The following PLPP3 variants were observed in gnomAD, a reference collection of about 807,000 sequenced individuals.
The protein encoded by PLPP3 is phospholipid phosphatase 3.
In PLPP3, 6 loss-of-function variants were observed where a neutral mutation model predicts 29.6. The observed-to-expected ratio is 0.20, with a 90% CI of 0.11 to 0.40. The LOEUF (loss-of-function observed/expected upper bound fraction) is 0.40. Among genes scored for constraint, PLPP3 ranks in the 10% least tolerant of loss-of-function variants. The pLI, the probability that PLPP3 is intolerant of heterozygous loss-of-function variation, is 1.00. For synonymous variants in PLPP3, 152 were observed against 159.7 expected (o/e 0.95, Z 0.36); for missense variants, 308 against 407.7 (o/e 0.76, Z 2.11).
chr1:56,579,359 T>C lies in PLPP3; in HGVS notation c.-343A>G, dbSNP rs1356867399. The C allele has an allele frequency of 7.1e-6, 2 of 280,786 alleles. No homozygotes were observed. The highest frequency in any genetic ancestry group is 4.6e-5 in the African/African-American group (2 of 43,206). The allele number at this position is 280,786 out of a possible 1,614,324, so 17.4% of individuals were successfully genotyped here. On this transcript the variant is annotated 5_prime_UTR_variant, in exon 1 of 6. Transcript: ENST00000371250. ...GCGTCTGAGTGCGCGAGCGAGCGAG[T>C]GGGCAGCGCGGGCGCTCGGCCACCT...
At chr1:56,548,521 G>C (rs958293289) in intron 1 of PLPP3, among the ~76,000 whole-genome samples, 1 of 152,178 alleles carries the variant, frequency 6.6e-6, no homozygotes, top group East Asian at 1.9e-4. Flanking sequence ...GAGATCTAAG[G>C]CTTCTCCATG....
chr1:56,557,069 AGAAAGAAAAAATGAGAGAGAG>A (rs1646088308), intron 1 of PLPP3, among the ~76,000 whole-genome samples: 1 of 132,066 alleles, frequency 7.6e-6, no homozygotes, highest in Non-Finnish European at 1.6e-5. Context: ...AAAGAAAGAA[AGAAAGAAAAAATGAGAGAGAG>A]AGAAAGAGGC....
Position 56,578,934 on chromosome 1 carries a change from C to G in PLPP3, c.83G>C (p.Arg28Thr), listed in dbSNP as rs1275293647. Reference sequence around the variant, plus strand: ...GAGCAGCACCCGCTTGCTGCCGCTCCTCCTCGGGTTGTTGTTGAGCGCCGG... The same window carrying G: ...GAGCAGCACCCGCTTGCTGCCGCTCGTCCTCGGGTTGTTGTTGAGCGCCGG... The part of the protein sequence containing the change: ...GSPALNNNPR[R>T]SGSKRVLLIC... Residue 28 changes from arginine to threonine, a missense_variant, in exon 1 of 6, where the codon AGG (arginine) becomes ACG (threonine). Around this residue, in one of 3 missense-constraint regions of PLPP3, gnomAD observed 67 missense variants for 61.3 expected, o/e 1.09. Transcript: ENST00000371250. The G allele has an allele frequency of 6.2e-7, 1 of 1,606,104 alleles. No homozygotes were observed. Among genetic ancestry groups the G allele is most frequent in the Non-Finnish European group, 8.5e-7 (1 of 1,177,124 alleles).
intron 5 of PLPP3, 102 bp from the exon 6 acceptor site, chr1:56,496,778 C>A (rs957086462): frequency 2.4e-6 from 3 of 1,272,554 alleles, no homozygotes; most frequent in South Asian, 1.4e-5. Flanking sequence ...GGAAAAGGGG[C>A]CCCAAATCAT....
chr1:56,541,966 C>CAAAAAAA (rs71813861), intron 1 of PLPP3, among the ~76,000 whole-genome samples: 1 of 126,620 alleles, frequency 7.9e-6, no homozygotes, highest in African/African-American at 2.9e-5. Flanking sequence ...AAAGCATGAC[C>CAAAAAAA]AAAAAAAAAA....
At position 56,496,203 on chromosome 1, in the gene PLPP3, C is replaced by CT. The variant is rs1044036935; in HGVS notation, c.*347dup. The CT allele has an allele frequency of 1.0e-5, 2 of 194,452 alleles. No homozygotes were observed. Among genetic ancestry groups the CT allele is most frequent in the African/African-American group, 4.7e-5 (2 of 42,332 alleles). The allele number at this position is 194,452 out of a possible 1,614,324, so 12.0% of individuals were successfully genotyped here. A position where few individuals can be genotyped will look rare whatever the true frequency, so the allele number is the denominator to read the frequency against. Reference sequence around the variant, plus strand: ...TCATGTGCTGCAATGTGAATTTTTGCTTTTCTCACAGGCCTGGGATTCCTC... The same window carrying CT: ...TCATGTGCTGCAATGTGAATTTTTGCTTTTTCTCACAGGCCTGGGATTCCTC... On this transcript the variant is annotated 3_prime_UTR_variant, in exon 6 of 6. Transcript: ENST00000371250.
At chr1:56,499,885 G>A (rs2100218122) in intron 5 of PLPP3, among the ~76,000 whole-genome samples, 1 of 152,180 alleles carries the variant, frequency 6.6e-6, no homozygotes. Context: ...AGAGGCCCAG[G>A]CTGGGAAGGG....
chr1:56,518,547 G>A (rs900501761), intron 4 of PLPP3, among the ~76,000 whole-genome samples: 1 of 152,024 alleles, frequency 6.6e-6, no homozygotes, highest in African/African-American at 2.4e-5. Context: ...ATGGAAAGGC[G>A]GATGGCCCGA....
At chr1:56,501,025 A>G (rs1025723635) in intron 5 of PLPP3, among the ~76,000 whole-genome samples, 1 of 151,502 alleles carries the variant, frequency 6.6e-6, no homozygotes, top group East Asian at 1.9e-4. Flanking sequence ...AAAAAAAAAA[A>G]AAAAAAAAAT....
intron 5 of PLPP3, among the ~76,000 whole-genome samples, chr1:56,511,319 G>C (rs1008619249): frequency 1.3e-5 from 2 of 152,142 alleles, no homozygotes; most frequent in Non-Finnish European, 2.9e-5. Context: ...CCATTCATTT[G>C]GGGCAAATCA....
chr1:56,567,450 T>C (rs940200166), intron 1 of PLPP3, among the ~76,000 whole-genome samples: 1 of 137,046 alleles, frequency 7.3e-6, no homozygotes, highest in African/African-American at 2.8e-5. Flanking sequence ...CAGGCTGGAG[T>C]GCAGTGGCGC....
intron 5 of PLPP3, among the ~76,000 whole-genome samples, chr1:56,502,346 T>C (rs892449728): frequency 2.6e-5 from 4 of 152,198 alleles, no homozygotes; most frequent in Non-Finnish European, 5.9e-5. Context: ...AATTTTAGAA[T>C]CTTAGAACCT....
chr1:56,509,853 A>AAAT lies in PLPP3; in HGVS notation c.810+2122_810+2123insATT, dbSNP rs377448398. Among the ~76,000 whole-genome samples, 1,099 of 139,276 alleles carry AAAT rather than the reference A, an allele frequency of 7.9e-3. 16 individuals are homozygous for AAAT. Among genetic ancestry groups the AAAT allele is most frequent in the South Asian group, 0.013 (59 of 4,454 alleles). The allele number at this position is 139,276 out of a possible 152,430, so 91.4% of individuals were successfully genotyped here. On this transcript the variant is annotated intron_variant, in intron 5 of 5. Transcript: ENST00000371250. ...CTCTCAAAAAAAAAAAAAAAAAAAA[A>AAAT]GGAAGACAATGGGTAAAGTATCAGA... is the stretch of plus-strand genomic sequence containing the variant.
At chr1:56,561,292 A>C (rs1440916838) in intron 1 of PLPP3, among the ~76,000 whole-genome samples, 1 of 152,104 alleles carries the variant, frequency 6.6e-6, no homozygotes, top group Non-Finnish European at 1.5e-5. Context: ...ACAAGTTCAA[A>C]ATACTACATG....
intron 1 of PLPP3, among the ~76,000 whole-genome samples, chr1:56,572,164 C>T (rs944113499): frequency 6.7e-6 from 1 of 148,266 alleles, no homozygotes; most frequent in African/African-American, 2.5e-5. Flanking sequence ...ATTCTCCTGC[C>T]TCAGCCTCCG....
In PLPP3 at chr1:56,564,477, T is replaced by C. The variant is rs187563193; in HGVS notation, c.139+14401A>G. On this transcript the variant is annotated intron_variant, in intron 1 of 5. Transcript: ENST00000371250. ...AACTCTCAGATGCAAACGTTATCAT[T>C]TGGTAGAATTGTTCAGTAAAAGGGA... 2.0e-5 allele frequency among the ~76,000 whole-genome samples: 3 copies of C among 152,272 alleles called. No individual in the cohort carries two copies. In the East Asian group the frequency reaches 5.8e-4, roughly 29 times the overall value.
At position 56,496,125 on chromosome 1, in the gene PLPP3, CAA is replaced by C. The variant is rs1645629590; in HGVS notation, c.*424_*425del. 1.2e-5 allele frequency: 2 copies of C among 168,164 alleles called. No individual in the cohort carries two copies. Among genetic ancestry groups the C allele is most frequent in the Admixed American group, 1.1e-4 (2 of 17,462 alleles). The allele number at this position is 168,164 out of a possible 1,614,324, so 10.4% of individuals were successfully genotyped here. ...ATAGAATGGGATGGACAGAAAGACT[CAA>C]GAGGGCAGCTCCGCAATGGCTATTT... On this transcript the variant is annotated 3_prime_UTR_variant, in exon 6 of 6. Coordinates refer to ENST00000371250, the MANE Select transcript of PLPP3 (RefSeq NM_003713.5).
At chr1:56,574,504 C>G (rs572414243) in intron 1 of PLPP3, among the ~76,000 whole-genome samples, 6 of 152,324 alleles carry the variant, frequency 3.9e-5, no homozygotes, top group Admixed American at 1.3e-4. Flanking sequence ...ATCCTCCTGC[C>G]TCTGCCTCCC....
intron 4 of PLPP3, among the ~76,000 whole-genome samples, chr1:56,518,501 G>T (rs1344338578): frequency 6.6e-6 from 1 of 152,102 alleles, no homozygotes; most frequent in Non-Finnish European, 1.5e-5. Context: ...AATCTATCAA[G>T]TCCGTGATGA....
Sources: allele counts gnomAD v4.1 joint callset (sites outside exome capture counted in the v4.1 genomes callset), GRCh38; gene constraint gnomAD v4.1.1; regional missense constraint gnomAD v4.1.1; transcripts MANE v1.5; gene names NCBI Gene and HGNC (gene_info 2026-07-23, HGNC 2026-07-21).